Variants in ANKMY1 observed in about 807,000 individuals in gnomAD.
ANKMY1 encodes the protein ankyrin repeat and MYND domain-containing protein 1.
ANKMY1 carries 98 observed loss-of-function variants against 102.0 expected under a neutral mutation model. The observed-to-expected ratio is 0.96, with a 90% CI of 0.82 to 1.14. The LOEUF (loss-of-function observed/expected upper bound fraction) is 1.14, where lower values mean the gene tolerates loss of function less well. Among genes scored for constraint, ANKMY1 ranks in the 50% most tolerant of loss-of-function variants. The pLI is 0.00. For missense variants in ANKMY1, 1,330 were observed against 1,347.6 expected (o/e 0.99, Z 0.20); for synonymous variants, 582 against 559.9 (o/e 1.04, Z -0.56).
chr2:240,471,913 C>T, the ANKMY1 span, among the ~76,000 whole-genome samples: 1 of 152,164 alleles, frequency 6.6e-6, no homozygotes, highest in Admixed American at 6.5e-5. Context: ...AACCATCTGC[C>T]CAGGGATCTC....
At position 240,520,649 on chromosome 2, in the gene ANKMY1, C is replaced by G. The variant is rs751003464; in HGVS notation, c.1833-116G>C. 7.9e-7 allele frequency: 1 copy of G among 1,265,704 alleles called. No homozygotes were observed. The highest frequency in any genetic ancestry group is 1.5e-5 in the African/African-American group (1 of 66,228). 78.4% of individuals were successfully genotyped at this position (1,265,704 alleles called of 1,614,324 possible). On this transcript the variant is annotated intron_variant, in intron 8 of 17. Transcript: ENST00000401804. The surrounding 1 kb of genome is among the most constrained non-coding windows in gnomAD (Gnocchi z 4.8). ...GGGCGCGTAGGGAGTATGTGTGTGC[C>G]GCAACTACACAATCACACACACAGC... is the stretch of plus-strand genomic sequence containing the variant.
At chr2:240,528,541 AGAG>A (rs945318524) in intron 5 of ANKMY1, among the ~76,000 whole-genome samples, 9 of 152,032 alleles carry the variant, frequency 5.9e-5, no homozygotes, top group African/African-American at 2.2e-4. Flanking sequence ...ATGTCAACCG[AGAG>A]GAGACTTGGC....
intron 4 of ANKMY1, among the ~76,000 whole-genome samples, chr2:240,542,471 G>A (rs1277296976): frequency 2.0e-5 from 3 of 151,132 alleles, no homozygotes; most frequent in Admixed American, 6.6e-5. Flanking sequence ...GCCACTGCAC[G>A]CCAGCCTGGG....
Position 240,520,839 on chromosome 2 carries a change from C to T in ANKMY1, c.1833-306G>A, listed in dbSNP as rs1180729327. The stretch of plus-strand genomic sequence containing the variant: ...ACACAACCCCACACACAAGCCACAC[C>T]AGAGCGCACACACCATAGCACAGCG... On this transcript the variant is annotated intron_variant, in intron 8 of 17. Coordinates refer to ENST00000401804, the MANE Select transcript of ANKMY1 (RefSeq NM_001282771.3). The surrounding 1 kb of genome is among the most constrained non-coding windows in gnomAD (Gnocchi z 4.8). 6.6e-6 allele frequency among the ~76,000 whole-genome samples: 1 copy of T among 151,360 alleles called. No individual in the cohort carries two copies. Among genetic ancestry groups the T allele is most frequent in the African/African-American group, 2.4e-5 (1 of 41,146 alleles).
At chr2:240,478,408 C>G (rs2151810718), downstream of ANKMY1, among the ~76,000 whole-genome samples, 1 of 152,296 alleles carries the variant, frequency 6.6e-6, no homozygotes, top group African/African-American at 2.4e-5. Flanking sequence ...TTTTTCCTTT[C>G]TAGCAGAGGT....
At chr2:240,521,766 G>A (rs571392010) in intron 8 of ANKMY1, among the ~76,000 whole-genome samples, 1 of 152,086 alleles carries the variant, frequency 6.6e-6, no homozygotes, top group Non-Finnish European at 1.5e-5. Flanking sequence ...CCAAAGTGCT[G>A]GGATTACAGG....
At chr2:240,552,451 G>C (rs183785759) in intron 4 of ANKMY1, among the ~76,000 whole-genome samples, 2 of 152,268 alleles carry the variant, frequency 1.3e-5, no homozygotes, top group Admixed American at 6.5e-5. Context: ...TGATGGAACT[G>C]TTTGTATATC....
intron 13 of ANKMY1, among the ~76,000 whole-genome samples, chr2:240,501,475 G>A (rs1168885405): frequency 6.6e-6 from 1 of 152,138 alleles, no homozygotes; most frequent in Non-Finnish European, 1.5e-5. Context: ...GGCCTGGCAG[G>A]CTCAGGGCAG....
chr2:240,512,628 AC>A (rs1357238370), intron 10 of ANKMY1, among the ~76,000 whole-genome samples, 173 bp downstream of exon 10: 3 of 152,336 alleles, frequency 2.0e-5, no homozygotes, highest in Non-Finnish European at 4.4e-5. Flanking sequence ...AAACAAGCCC[AC>A]TGGCTAAGGT....
At chr2:240,509,507 A>G (rs2079728806) in intron 11 of ANKMY1, 52 bp from the exon 12 acceptor site, 1 of 1,241,932 alleles carries the variant, frequency 8.1e-7, no homozygotes, top group South Asian at 1.3e-5. Flanking sequence ...CATAAGCAGC[A>G]CCTGATGGTA....
intron 13 of ANKMY1, among the ~76,000 whole-genome samples, chr2:240,504,593 T>C (rs964849031): frequency 1.3e-5 from 2 of 151,572 alleles, no homozygotes; most frequent in Non-Finnish European, 2.9e-5. Context: ...AAAAAAAAGA[T>C]TCAAAAATTG....
chr2:240,490,026 T>C (rs974682854), intron 15 of ANKMY1, among the ~76,000 whole-genome samples: 2 of 151,930 alleles, frequency 1.3e-5, no homozygotes, highest in African/African-American at 4.8e-5. Context: ...CCATTTCCTC[T>C]GGGTTTTCCA....
intron 5 of ANKMY1, chr2:240,527,695 T>C (rs2084051699): frequency 6.6e-6 from 1 of 152,242 alleles, no homozygotes; most frequent in Non-Finnish European, 1.5e-5. Context: ...GATGAATGGA[T>C]GGCTGCATGA....
At chr2:240,484,743 C>T (rs555096234) in intron 15 of ANKMY1, among the ~76,000 whole-genome samples, 1 of 152,254 alleles carries the variant, frequency 6.6e-6, no homozygotes, top group Non-Finnish European at 1.5e-5. Flanking sequence ...GCAAAGGAAA[C>T]TATCATCAGA....
chr2:240,553,246 T>A, intron 3 of ANKMY1, 189 bp from the exon 4 acceptor site: 1 of 648,246 alleles, frequency 1.5e-6, no homozygotes. Flanking sequence ...TACCAGGCAG[T>A]CAGCCTGATA....
Position 240,507,682 on chromosome 2 carries a change from C to T in ANKMY1, c.2404G>A (p.Glu802Lys). Residue 802 changes from glutamate to lysine, a missense_variant, in exon 13 of 18, where the codon GAG (glutamate) becomes AAG (lysine). By Grantham distance (56) the Glu-to-Lys change is moderately conservative. Transcript: ENST00000401804. ...GGGTCAGCTCCCTGGGTCAGGAGCT[C>T]CTTCACAACCTGAACATACACAGAC... Reference protein sequence around the residue: ...IASGNELVVKELLTQGADPNL... With the variant: ...IASGNELVVKKLLTQGADPNL... 6.2e-7 allele frequency: 1 copy of T among 1,606,364 alleles called. No individual in the cohort carries two copies. Among genetic ancestry groups the T allele is most frequent in the Non-Finnish European group, 8.5e-7 (1 of 1,176,052 alleles).
intron 15 of ANKMY1, among the ~76,000 whole-genome samples, chr2:240,496,854 T>TC (rs1207795756): frequency 2.0e-5 from 3 of 152,226 alleles, no homozygotes; most frequent in Admixed American, 6.5e-5. Flanking sequence ...AAGGGATAGT[T>TC]CCAAAGGTCA....
chr2:240,560,985 G>A (rs1183925431), upstream of ANKMY1: 5 of 1,545,372 alleles, frequency 3.2e-6, no homozygotes, highest in Middle Eastern at 2.3e-4. Context: ...CGCCTGCCTA[G>A]TCTACTGCAA....
intron 15 of ANKMY1, among the ~76,000 whole-genome samples, chr2:240,491,460 T>A (rs1574913981): frequency 6.6e-6 from 1 of 152,342 alleles, no homozygotes; most frequent in East Asian, 1.9e-4. Flanking sequence ...TCTGTAGTGG[T>A]AGCATTTGAG....
Sources: gnomAD v4.1 joint callset for allele counts (sites outside exome capture counted in the v4.1 genomes callset) on GRCh38, gnomAD v4.1.1 for gene constraint, Gnocchi (gnomAD v3.1) non-coding constraint, MANE v1.5 for transcripts, NCBI Gene and HGNC (gene_info 2026-07-23, HGNC 2026-07-21) for gene names.